TMEM207: variants seen among roughly 807,000 people sequenced by gnomAD.
TMEM207 encodes transmembrane protein 207, also known as SRSR846.
TMEM207 carries 15 observed loss-of-function variants against 17.4 expected under a neutral mutation model. The observed-to-expected ratio is 0.86, with a 90% CI of 0.58 to 1.33. The LOEUF is 1.33. Among genes scored for constraint, TMEM207 ranks in the 40% most tolerant of loss-of-function variants. The pLI is 0.00. For missense variants in TMEM207, 205 were observed against 173.8 expected (o/e 1.18, Z -1.01); for synonymous variants, 70 against 65.6 (o/e 1.07, Z -0.33).
At chr3:190,443,324 G>A (rs1411990757) in intron 2 of TMEM207, among the ~76,000 whole-genome samples, 1 of 151,116 alleles carries the variant, frequency 6.6e-6, no homozygotes, top group African/African-American at 2.4e-5. Flanking sequence ...ACCTCATTGT[G>A]TTTCTTAAAT....
At chr3:190,438,918 G>A (rs1041170101) in intron 4 of TMEM207, among the ~76,000 whole-genome samples, 7 of 151,952 alleles carry the variant, frequency 4.6e-5, no homozygotes, top group Non-Finnish European at 8.8e-5. Context: ...CGCCGGGCGC[G>A]GTGGCTCACG....
chr3:190,437,309 C>G (rs912523692), intron 4 of TMEM207, among the ~76,000 whole-genome samples: 1 of 152,206 alleles, frequency 6.6e-6, no homozygotes, highest in East Asian at 1.9e-4. Context: ...CATATTTTCA[C>G]TGGTTCCCTA....
chr3:190,449,678 C>A, intron 1 of TMEM207, 57 bp downstream of exon 1: 1 of 1,492,462 alleles, frequency 6.7e-7, no homozygotes, highest in East Asian at 2.3e-5. Flanking sequence ...CAAATCAAGT[C>A]CTCAGAGTAC....
intron 4 of TMEM207, among the ~76,000 whole-genome samples, chr3:190,438,007 C>A (rs1019394089): frequency 6.7e-6 from 1 of 148,352 alleles, no homozygotes; most frequent in Non-Finnish European, 1.5e-5. Context: ...GACAAAAAAC[C>A]AAACACCGTG....
At chr3:190,444,185 C>G (rs931213038) in intron 2 of TMEM207, among the ~76,000 whole-genome samples, 11 of 152,264 alleles carry the variant, frequency 7.2e-5, no homozygotes, top group African/African-American at 2.6e-4. Flanking sequence ...AAACCAGATG[C>G]GTAACTTCAT....
At chr3:190,441,937 T>C (rs987313691) in intron 2 of TMEM207, among the ~76,000 whole-genome samples, 2 of 152,184 alleles carry the variant, frequency 1.3e-5, no homozygotes, top group African/African-American at 2.4e-5. Context: ...ATTGGACAAC[T>C]GTTTGCCCTC....
At chr3:190,447,568 G>A (rs1720076965) in intron 2 of TMEM207, among the ~76,000 whole-genome samples, 2 of 151,858 alleles carry the variant, frequency 1.3e-5, no homozygotes, top group Non-Finnish European at 2.9e-5. Context: ...AAATCAACTA[G>A]GCCTCTTATT....
intron 4 of TMEM207, among the ~76,000 whole-genome samples, chr3:190,439,277 C>G (rs1863231): frequency 0.7 from 104,651 of 149,658 alleles, 36,789 homozygotes; most frequent in Middle Eastern, 0.85. Context: ...AGCTGGAGGT[C>G]AATATAATCA....
At chr3:190,435,382 C>G (rs1272583461) in intron 4 of TMEM207, among the ~76,000 whole-genome samples, 2 of 152,068 alleles carry the variant, frequency 1.3e-5, no homozygotes, top group African/African-American at 4.8e-5. Context: ...AAGGTTCATC[C>G]CAATTACCTC....
At position 190,440,324 on chromosome 3, in the gene TMEM207, C is replaced by T. The variant is rs770043643; in HGVS notation, c.224G>A (p.Cys75Tyr). 6.2e-7 allele frequency: 1 copy of T among 1,614,096 alleles called. No individual in the cohort carries two copies. Among genetic ancestry groups the T allele is most frequent in the Non-Finnish European group, 8.5e-7 (1 of 1,180,006 alleles). ...LCGAVVLCLQ[C>Y]WLRRPRIDSH... ...ATCAATTCGGGGTCTCCTCAGCCAG[C>T]ACTGGAGGCAGAGGACCACAGCTCC... The change falls in exon 4 of 5, where the codon TGC becomes TAC. Residue 75 changes from cysteine to tyrosine, a missense_variant. Cys to Tyr is a radical substitution (Grantham distance 194). Coordinates refer to ENST00000354905, the MANE Select transcript of TMEM207 (RefSeq NM_207316.3).
At position 190,429,342 on chromosome 3, in the gene TMEM207, G is replaced by A; in HGVS notation, c.*253C>T. ...TGTTGCCTGTTTGGATACTAGTGGA[G>A]AAGCATTAATTTGGTTGTGTAGCAT... On this transcript the variant is annotated 3_prime_UTR_variant, in exon 5 of 5. Transcript: ENST00000354905. 1 of 427,856 alleles carries A rather than the reference G, an allele frequency of 2.3e-6. No homozygotes were observed. The highest frequency in any genetic ancestry group is 4.2e-6 in the Non-Finnish European group (1 of 237,654). The allele number at this position is 427,856 out of a possible 1,614,324, so 26.5% of individuals were successfully genotyped here.
rs560019480 is a variant in TMEM207 at position 190,441,540 on chromosome 3, T to G, written c.114-58A>C. On this transcript the variant is annotated intron_variant, in intron 2 of 4. Transcript: ENST00000354905. ...CTCAGGATAGCCAAAGCCTATTTCT[T>G]TCACCCAATAAAATTGGTACTGATC... The G allele has an allele frequency of 2.1e-6, 3 of 1,414,802 alleles. No homozygotes were observed. The East Asian group carries it at 6.9e-5, about 32-fold the overall frequency. 87.6% of individuals were successfully genotyped at this position (1,414,802 alleles called of 1,614,324 possible). A position where few individuals can be genotyped will look rare whatever the true frequency, so the allele number is the denominator to read the frequency against.
chr3:190,429,964 A>C (rs1329467824), intron 4 of TMEM207, among the ~76,000 whole-genome samples: 1 of 152,186 alleles, frequency 6.6e-6, no homozygotes, highest in Non-Finnish European at 1.5e-5. Context: ...TGTCTAACCC[A>C]TCAAGAAGCA....
chr3:190,441,431 T>C lies in TMEM207; in HGVS notation c.158+7A>G. On this transcript the variant is annotated splice_region_variant and intron_variant, in intron 3 of 4. Coordinates refer to ENST00000354905, the MANE Select transcript of TMEM207 (RefSeq NM_207316.3). Reference sequence around the variant, plus strand: ...TGTCATATAAAACAAATGGAAGATATCCTTACCAGATATACCAGCCATTAG... The same window carrying C: ...TGTCATATAAAACAAATGGAAGATACCCTTACCAGATATACCAGCCATTAG... The C allele has an allele frequency of 1.2e-6, 2 of 1,605,928 alleles. No individual in the cohort carries two copies. The highest frequency in any genetic ancestry group is 2.2e-5 in the East Asian group (1 of 44,810).
At chr3:190,431,663 G>T (rs920163293) in intron 4 of TMEM207, among the ~76,000 whole-genome samples, 2 of 152,012 alleles carry the variant, frequency 1.3e-5, no homozygotes, top group Admixed American at 1.3e-4. Context: ...TTGGTGAACT[G>T]CCCCTAGTGT....
At chr3:190,431,384 C>T (rs1220788561) in intron 4 of TMEM207, among the ~76,000 whole-genome samples, 2 of 152,016 alleles carry the variant, frequency 1.3e-5, no homozygotes, top group Non-Finnish European at 2.9e-5. Context: ...TAGGAACATG[C>T]ATGCATCTAC....
At position 190,429,580 on chromosome 3, in the gene TMEM207, A is replaced by T. The variant is rs1454171865; in HGVS notation, c.*15T>A. 6.2e-7 allele frequency: 1 copy of T among 1,612,738 alleles called. No homozygotes were observed. The highest frequency in any genetic ancestry group is 8.5e-7 in the Non-Finnish European group (1 of 1,179,292). On this transcript the variant is annotated 3_prime_UTR_variant, in exon 5 of 5. Transcript: ENST00000354905. ...GATGTCGTTAATACTTTAAATTGAT[A>T]ATCCACACCTAAAATCAGGTTGTTT...
chr3:190,436,086 C>T (rs1395222448), intron 4 of TMEM207, among the ~76,000 whole-genome samples: 3 of 152,156 alleles, frequency 2.0e-5, no homozygotes, highest in East Asian at 3.9e-4. Context: ...GGGCAGCTTC[C>T]AGGAGATCCT....
intron 4 of TMEM207, among the ~76,000 whole-genome samples, chr3:190,430,573 G>A (rs2108530641): frequency 6.6e-6 from 1 of 151,408 alleles, no homozygotes; most frequent in Admixed American, 6.6e-5. Context: ...TATTCACCTG[G>A]ATCTTTACTT....
Sources: gnomAD v4.1 joint callset for allele counts (sites outside exome capture counted in the v4.1 genomes callset) on GRCh38, gnomAD v4.1.1 for gene constraint, MANE v1.5 for transcripts, NCBI Gene and HGNC (gene_info 2026-07-23, HGNC 2026-07-21) for gene names.